SH3GL3: variants seen among roughly 807,000 people sequenced by gnomAD.
SH3GL3 encodes the protein SH3 domain containing GRB2 like 3, endophilin A3.
SH3GL3 carries 33 observed loss-of-function variants against 47.7 expected under a neutral mutation model. The ratio of observed to expected loss-of-function variants is 0.69; its 90% CI spans 0.52 to 0.92. The LOEUF (loss-of-function observed/expected upper bound fraction) is 0.92, where lower values mean the gene tolerates loss of function less well. Among genes scored for constraint, SH3GL3 ranks in the 40% least tolerant of loss-of-function variants. The pLI, the probability that SH3GL3 is intolerant of heterozygous loss-of-function variation, is 0.00. For synonymous variants in SH3GL3, 155 were observed against 148.8 expected (o/e 1.04, Z -0.30); for missense variants, 363 against 417.8 (o/e 0.87, Z 1.14).
chr15:83,568,621 G>A lies in SH3GL3; in HGVS notation c.280G>A (p.Gly94Arg). ...ATACCCGCAGACGGAAGGCTTGCTGGGGGACTGTATGCTGAAATACGGGAA... is the reference window on the plus strand; with the variant it reads ...ATACCCGCAGACGGAAGGCTTGCTGAGGGACTGTATGCTGAAATACGGGAA... ...TGYPQTEGLLGDCMLKYGKEL... is the reference protein window; with the variant it reads ...TGYPQTEGLLRDCMLKYGKEL... Residue 94 changes from glycine (G) to arginine (R), a missense_variant, in exon 4 of 9, where the codon GGG becomes AGG. Physicochemically the swap from Gly to Arg is moderately radical, Grantham distance 125. Transcript: ENST00000427482. 1.2e-6 allele frequency: 2 copies of A among 1,613,838 alleles called. No individual in the cohort carries two copies. The highest frequency in any genetic ancestry group is 1.7e-6 in the Non-Finnish European group (2 of 1,179,736).
rs981303669 is a variant in SH3GL3, at chr15:83,605,569, A to T, written c.839-12513A>T. Among the ~76,000 whole-genome samples, 25 of 143,486 alleles carry T rather than the reference A, an allele frequency of 1.7e-4. 1 individual carries two copies. Among genetic ancestry groups the T allele is most frequent in the African/African-American group, 7.5e-4 (25 of 33,362 alleles). 94.1% of individuals were successfully genotyped at this position (143,486 alleles called of 152,430 possible). ...TCTTTCTAAAGAAAAAAAGAGAGAG[A>T]TGAAAGAACATAAGTCAATTAAGCA... On this transcript the variant is annotated intron_variant, in intron 8 of 8. Coordinates refer to ENST00000427482, the MANE Select transcript of SH3GL3 (RefSeq NM_003027.5).
intron 1 of SH3GL3, among the ~76,000 whole-genome samples, chr15:83,558,785 C>T (rs890529988): frequency 6.6e-6 from 1 of 152,186 alleles, no homozygotes; most frequent in African/African-American, 2.4e-5. Context: ...GGAAACACAT[C>T]CCGCATGAAC....
intron 2 of SH3GL3, among the ~76,000 whole-genome samples, chr15:83,561,837 C>T (rs1463777569): frequency 1.3e-5 from 2 of 152,110 alleles, no homozygotes; most frequent in African/African-American, 4.8e-5. Flanking sequence ...GTCAGTGGCA[C>T]AGGCCTTGGG....
intron 3 of SH3GL3, among the ~76,000 whole-genome samples, chr15:83,566,491 C>A (rs1408595411): frequency 6.6e-6 from 1 of 152,016 alleles, no homozygotes; most frequent in Non-Finnish European, 1.5e-5. Flanking sequence ...AAGTCCGGCA[C>A]TGGCCAGGCA....
intron 1 of SH3GL3, among the ~76,000 whole-genome samples, chr15:83,473,168 C>T (rs926646077): frequency 1.7e-4 from 24 of 138,966 alleles, no homozygotes; most frequent in African/African-American, 6.1e-4. Flanking sequence ...CACCTCATTT[C>T]TGCTGATGGA....
chr15:83,550,214 A>G lies in SH3GL3; in HGVS notation c.46-9039A>G, dbSNP rs147246127. 4.2e-3 allele frequency among the ~76,000 whole-genome samples: 646 copies of G among 152,250 alleles called. 5 individuals carry two copies. The highest frequency in any genetic ancestry group is 0.015 in the African/African-American group (625 of 41,552). On this transcript the variant is annotated intron_variant, in intron 1 of 8. Coordinates refer to ENST00000427482, the MANE Select transcript of SH3GL3 (RefSeq NM_003027.5). Reference sequence around the variant, plus strand: ...CTGCCAACTGGTTGAAAGGAGAAAAAGGAACCTTTCAAAAGGGTGACATTT... The same window carrying G: ...CTGCCAACTGGTTGAAAGGAGAAAAGGGAACCTTTCAAAAGGGTGACATTT...
At chr15:83,613,155 G>T (rs1475188890) in intron 8 of SH3GL3, among the ~76,000 whole-genome samples, 3 of 152,208 alleles carry the variant, frequency 2.0e-5, no homozygotes, top group Non-Finnish European at 2.9e-5. Flanking sequence ...CTGAGCTCTG[G>T]TTGGGGTGGA....
chr15:83,631,081 G>C, the SH3GL3 span, among the ~76,000 whole-genome samples: 1 of 152,096 alleles, frequency 6.6e-6, no homozygotes, highest in African/African-American at 2.4e-5. Flanking sequence ...GGGGCTACAG[G>C]ACCCATGCAA....
At chr15:83,609,849 A>G (rs529736829) in intron 8 of SH3GL3, among the ~76,000 whole-genome samples, 33 of 152,256 alleles carry the variant, frequency 2.2e-4, no homozygotes, top group African/African-American at 6.7e-4. Flanking sequence ...AGATCCTGGC[A>G]TGTGGGAGAG....
chr15:83,630,814 G>T, the SH3GL3 span, among the ~76,000 whole-genome samples: 1 of 151,992 alleles, frequency 6.6e-6, no homozygotes, highest in South Asian at 2.1e-4. Context: ...ATACCATTCT[G>T]CCCCTGGCCC....
chr15:83,521,929 A>G (rs1320015607), intron 1 of SH3GL3, among the ~76,000 whole-genome samples: 2 of 152,206 alleles, frequency 1.3e-5, no homozygotes, highest in Non-Finnish European at 2.9e-5. Flanking sequence ...GGTCAAGGCT[A>G]GAGGTCATAA....
intron 8 of SH3GL3, among the ~76,000 whole-genome samples, chr15:83,607,397 T>A (rs1401256285): frequency 6.6e-6 from 1 of 152,200 alleles, no homozygotes; most frequent in Non-Finnish European, 1.5e-5. Flanking sequence ...CCAGTGGATG[T>A]GGCTGCAAGT....
chr15:83,631,048 T>A, the SH3GL3 span, among the ~76,000 whole-genome samples: 1 of 152,158 alleles, frequency 6.6e-6, no homozygotes, highest in Non-Finnish European at 1.5e-5. Flanking sequence ...CTGTTCCAAA[T>A]GGGATAAATA....
chr15:83,525,352 G>A (rs1178608626), intron 1 of SH3GL3, among the ~76,000 whole-genome samples: 1 of 5,176 alleles, frequency 1.9e-4, no homozygotes, highest in Admixed American at 2.6e-3. Context: ...TTCTTTGTGC[G>A]TGTGTGTGTG....
chr15:83,614,829 C>G (rs1188563652), intron 8 of SH3GL3, among the ~76,000 whole-genome samples: 2 of 152,176 alleles, frequency 1.3e-5, no homozygotes, highest in African/African-American at 4.8e-5. Flanking sequence ...CAACAGGAAT[C>G]TCCATTGCCC....
At chr15:83,602,039 A>T (rs1370588292) in intron 8 of SH3GL3, among the ~76,000 whole-genome samples, 1 of 151,950 alleles carries the variant, frequency 6.6e-6, no homozygotes, top group Non-Finnish European at 1.5e-5. Flanking sequence ...TTCCAAGAAG[A>T]TAGGTGGTTC....
intron 1 of SH3GL3, among the ~76,000 whole-genome samples, chr15:83,476,191 T>G (rs952039662): frequency 6.6e-6 from 1 of 152,184 alleles, no homozygotes; most frequent in Non-Finnish European, 1.5e-5. Flanking sequence ...AATTGAGGCT[T>G]GGCAAGGTCA....
intron 1 of SH3GL3, among the ~76,000 whole-genome samples, chr15:83,531,324 G>A (rs2043661220): frequency 6.6e-6 from 1 of 152,224 alleles, no homozygotes; most frequent in African/African-American, 2.4e-5. Flanking sequence ...GTATTCAGGA[G>A]ATCTGCAGAA....
chr15:83,624,380 G>A, the SH3GL3 span, among the ~76,000 whole-genome samples: 20 of 152,310 alleles, frequency 1.3e-4, no homozygotes, highest in Non-Finnish European at 2.6e-4. Flanking sequence ...TTCAGCTCAA[G>A]GGGCTGATAG....
Sources: allele counts gnomAD v4.1 joint callset (sites outside exome capture counted in the v4.1 genomes callset), GRCh38; gene constraint gnomAD v4.1.1; transcripts MANE v1.5; gene names NCBI Gene and HGNC (gene_info 2026-07-23, HGNC 2026-07-21).